Variants in CSMD1 observed in about 807,000 individuals in gnomAD.
CSMD1 encodes CUB and sushi domain-containing protein 1.
In CSMD1, 213 loss-of-function variants were observed where a neutral mutation model predicts 417.5. The observed-to-expected ratio is 0.51, with a 90% CI of 0.46 to 0.57. CSMD1 has a LOEUF of 0.57. CSMD1 is among the 20% of genes least tolerant of loss of function. The pLI is 0.00. For synonymous variants in CSMD1, 2,862 were observed against 1,736.8 expected (o/e 1.65, Z -16.11); for missense variants, 6,923 against 4,529.7 (o/e 1.53, Z -15.17).
At chr8:4,058,879 T>C (rs1466164746) in intron 3 of CSMD1, among the ~76,000 whole-genome samples, 1 of 151,588 alleles carries the variant, frequency 6.6e-6, no homozygotes, top group East Asian at 1.9e-4. Context: ...ATTAGACAGA[T>C]CAACGAGAGA....
At chr8:3,236,410 G>T (rs1179164579) in intron 26 of CSMD1, among the ~76,000 whole-genome samples, 1 of 152,028 alleles carries the variant, frequency 6.6e-6, no homozygotes, top group African/African-American at 2.4e-5. Flanking sequence ...AGCCAGATTG[G>T]ACTAAAAAAC....
At chr8:3,191,826 G>T (rs534146271) in intron 33 of CSMD1, among the ~76,000 whole-genome samples, 2 of 152,186 alleles carry the variant, frequency 1.3e-5, no homozygotes, top group Non-Finnish European at 2.9e-5. Flanking sequence ...TTTGTCCTCT[G>T]CAGTGAAAAA....
At chr8:4,933,413 C>T (rs573680931) in intron 1 of CSMD1, among the ~76,000 whole-genome samples, 1 of 152,278 alleles carries the variant, frequency 6.6e-6, no homozygotes, top group Admixed American at 6.5e-5. Flanking sequence ...GGAAAAAAGT[C>T]ATATTTTGGG....
intron 3 of CSMD1, among the ~76,000 whole-genome samples, chr8:4,200,787 G>A (rs1228615214): frequency 6.6e-6 from 1 of 152,226 alleles, no homozygotes; most frequent in South Asian, 2.1e-4. Flanking sequence ...TGTTAATGGA[G>A]ACGGAGGCTT....
At chr8:3,496,344 C>T (rs1796363872) in intron 10 of CSMD1, among the ~76,000 whole-genome samples, 1 of 152,112 alleles carries the variant, frequency 6.6e-6, no homozygotes, top group Admixed American at 6.5e-5. Context: ...CTGCAGAGCT[C>T]CCTGTAAGGA....
intron 3 of CSMD1, among the ~76,000 whole-genome samples, chr8:4,113,533 T>A (rs1384960828): frequency 6.6e-6 from 1 of 151,636 alleles, no homozygotes; most frequent in Non-Finnish European, 1.5e-5. Flanking sequence ...GCCTCCTGAG[T>A]AGCTGGGATT....
At chr8:3,627,963 C>G (rs1297960455) in intron 7 of CSMD1, among the ~76,000 whole-genome samples, 1 of 152,124 alleles carries the variant, frequency 6.6e-6, no homozygotes. Context: ...GTACTTCACA[C>G]TTCGCTAATA....
At chr8:3,517,160 T>A (rs1440502348) in intron 10 of CSMD1, among the ~76,000 whole-genome samples, 1 of 152,158 alleles carries the variant, frequency 6.6e-6, no homozygotes, top group Non-Finnish European at 1.5e-5. Flanking sequence ...CTCATGCTCA[T>A]CCCTTCTCAT....
In CSMD1 at chr8:4,630,434, T is replaced by C. The variant is rs149279546; in HGVS notation, c.302+6908A>G. 4.0e-3 allele frequency among the ~76,000 whole-genome samples: 609 copies of C among 152,168 alleles called. 5 individuals carry two copies. In the Middle Eastern group the frequency reaches 0.041, roughly 10 times the overall value. Reference sequence around the variant, plus strand: ...AATTAATTGGTCTTCTCCTTCTCTCTAGACAACTGCAAATACTCAAAAACA... The same window carrying C: ...AATTAATTGGTCTTCTCCTTCTCTCCAGACAACTGCAAATACTCAAAAACA... On this transcript the variant is annotated intron_variant, in intron 2 of 69. Transcript: ENST00000635120.
intron 54 of CSMD1, among the ~76,000 whole-genome samples, chr8:2,995,853 G>A (rs990515493): frequency 6.6e-6 from 1 of 152,178 alleles, no homozygotes; most frequent in African/African-American, 2.4e-5. Context: ...GAAGGGAGAA[G>A]GTCAGAGAAG....
intron 3 of CSMD1, among the ~76,000 whole-genome samples, chr8:4,271,985 G>C (rs1048815208): frequency 2.0e-5 from 3 of 152,172 alleles, no homozygotes; most frequent in Middle Eastern, 3.4e-3. Context: ...TATATAGATG[G>C]ATTTCACATC....
chr8:3,604,480 T>C lies in CSMD1; in HGVS notation c.1097+12230A>G, dbSNP rs181738993. ...CATATCATGGAAAACACGAGAAGGA[T>C]CATAGAAATGAAGACGTGCTAAAGA... On this transcript the variant is annotated intron_variant, in intron 8 of 69. Coordinates refer to ENST00000635120, the MANE Select transcript of CSMD1 (RefSeq NM_033225.6). Among the ~76,000 whole-genome samples the C allele has an allele frequency of 2.6e-5, 4 of 151,906 alleles. No individual in the cohort carries two copies. The East Asian group carries it at 5.8e-4, about 22-fold the overall frequency.
intron 42 of CSMD1, among the ~76,000 whole-genome samples, chr8:3,117,887 C>T (rs188042672): frequency 4.5e-4 from 69 of 152,280 alleles, no homozygotes; most frequent in Non-Finnish European, 6.2e-4. Flanking sequence ...TGGAGTGTTC[C>T]ACCTCCGAGT....
chr8:3,734,989 T>C (rs1415737493), intron 6 of CSMD1, among the ~76,000 whole-genome samples: 1 of 152,178 alleles, frequency 6.6e-6, no homozygotes, highest in African/African-American at 2.4e-5. Flanking sequence ...AGCTCCCCTG[T>C]GGTGTGCAAA....
At chr8:3,520,044 G>GTATATATATATATATATA (rs1563116164) in intron 10 of CSMD1, among the ~76,000 whole-genome samples, 17 of 137,356 alleles carry the variant, frequency 1.2e-4, no homozygotes, top group African/African-American at 5.2e-4. Flanking sequence ...ATATATACAC[G>GTATATATATATATATATA]TATAGTTGTG....
chr8:4,989,901 T>G (rs927827881), intron 1 of CSMD1, among the ~76,000 whole-genome samples: 5 of 152,202 alleles, frequency 3.3e-5, no homozygotes, highest in African/African-American at 1.2e-4. Flanking sequence ...GGTGTTTGCT[T>G]GACACAATAA....
chr8:4,065,845 C>T (rs1328464890), intron 3 of CSMD1, among the ~76,000 whole-genome samples: 1 of 152,128 alleles, frequency 6.6e-6, no homozygotes, highest in African/African-American at 2.4e-5. Context: ...TATTTTAAAA[C>T]ACACACACCC....
chr8:3,216,407 A>G (rs1258977852), intron 29 of CSMD1, among the ~76,000 whole-genome samples: 1 of 152,224 alleles, frequency 6.6e-6, no homozygotes. Context: ...TCCCCTATTG[A>G]AAATAAAAAA....
intron 3 of CSMD1, among the ~76,000 whole-genome samples, chr8:4,215,178 T>C (rs899351265): frequency 6.6e-6 from 1 of 152,202 alleles, no homozygotes; most frequent in South Asian, 2.1e-4. Flanking sequence ...GATAGGGACC[T>C]TGTGTCCACG....
Sources: allele counts gnomAD v4.1 joint callset (sites outside exome capture counted in the v4.1 genomes callset), GRCh38; gene constraint gnomAD v4.1.1; transcripts MANE v1.5; gene names NCBI Gene and HGNC (gene_info 2026-07-23, HGNC 2026-07-21).